TMEM130: variants seen among roughly 807,000 people sequenced by gnomAD.
TMEM130 encodes transmembrane protein 130.
TMEM130 carries 37 observed loss-of-function variants against 42.9 expected under a neutral mutation model. The observed-to-expected ratio is 0.86, with a 90% CI of 0.66 to 1.13. The LOEUF is 1.13. Among genes scored for constraint, TMEM130 ranks in the 50% most tolerant of loss-of-function variants. The pLI, the probability that TMEM130 is intolerant of heterozygous loss-of-function variation, is 0.00. For synonymous variants in TMEM130, 259 were observed against 237.7 expected (o/e 1.09, Z -0.82); for missense variants, 545 against 562.6 (o/e 0.97, Z 0.32).
intron 6 of TMEM130, 61 bp downstream of exon 6, chr7:98,851,360 C>T: frequency 5.2e-6 from 8 of 1,546,612 alleles, no homozygotes; most frequent in Non-Finnish European, 8.9e-7. Flanking sequence ...GTGGTGGTGG[C>T]AGGATGGACA....
chr7:98,851,702 G>A (rs1794511147), intron 5 of TMEM130, 79 bp from the exon 6 acceptor site: 4 of 1,344,842 alleles, frequency 3.0e-6, no homozygotes, highest in Non-Finnish European at 4.0e-6. Context: ...GACAGGCCAG[G>A]TGGGCAGGAA....
At position 98,860,294 on chromosome 7, in the gene TMEM130, G is replaced by T. The variant is rs1448165962; in HGVS notation, c.436C>A (p.Pro146Thr). 7 of 1,612,164 alleles carry T rather than the reference G, an allele frequency of 4.3e-6. No individual in the cohort carries two copies. The African/African-American group carries it at 8.0e-5, about 18-fold the overall frequency. Reference sequence around the variant, plus strand: ...TTAGTGAGATAGGAGCTGGGCCAGGGTAGGGAAGTGTTCTGGGTGACAACA... The same window carrying T: ...TTAGTGAGATAGGAGCTGGGCCAGGTTAGGGAAGTGTTCTGGGTGACAACA... ...DLVVTQNTSL[P>T]WPSSYLTKTV... is the part of the protein sequence containing the mutation. Residue 146 changes from proline (P) to threonine (T), a missense_variant, in exon 3 of 8, where the codon CCC becomes ACC. Transcript: ENST00000339375.
At chr7:98,854,330 G>C (rs140544899) in intron 5 of TMEM130, among the ~76,000 whole-genome samples, 26 of 152,266 alleles carry the variant, frequency 1.7e-4, no homozygotes, top group Non-Finnish European at 2.9e-4. Context: ...CTGGAAAATA[G>C]GCCACGTCAT....
chr7:98,862,876 A>G (rs1467554418), intron 2 of TMEM130, among the ~76,000 whole-genome samples: 2 of 152,202 alleles, frequency 1.3e-5, no homozygotes, highest in African/African-American at 2.4e-5. Context: ...GTATACCCTC[A>G]GCAGCAATAG....
At position 98,860,255 on chromosome 7, in the gene TMEM130, C is replaced by G. The variant is rs1554399590; in HGVS notation, c.475G>C (p.Val159Leu). 1.9e-6 allele frequency: 3 copies of G among 1,613,830 alleles called. No homozygotes were observed. Among genetic ancestry groups the G allele is most frequent in the Non-Finnish European group, 2.5e-6 (3 of 1,179,958 alleles). The part of the protein sequence containing the change: ...SSYLTKTVLK[V>L]SFLLHDPSNF... ...CTCGGGTCGTGGAGGAGGAAGGAGA[C>G]TTTCAGGACGGTCTTAGTGAGATAG... Residue 159 changes from valine to leucine, a missense_variant, in exon 3 of 8, where the codon GTC (valine) becomes CTC (leucine). Physicochemically the swap from Val to Leu is conservative, Grantham distance 32. Coordinates refer to ENST00000339375, the MANE Select transcript of TMEM130 (RefSeq NM_152913.3).
chr7:98,858,906 C>T (rs1794692363), intron 3 of TMEM130, among the ~76,000 whole-genome samples: 1 of 149,790 alleles, frequency 6.7e-6, no homozygotes, highest in African/African-American at 2.5e-5. Context: ...CAGTGGCTCA[C>T]CCCTGTAATC....
Position 98,860,287 on chromosome 7 carries a change from G to A in TMEM130, c.443C>T (p.Pro148Leu), listed in dbSNP as rs200372210. ...VVTQNTSLPW[P>L]SSYLTKTVLK... ...GACGGTCTTAGTGAGATAGGAGCTG[G>A]GCCAGGGTAGGGAAGTGTTCTGGGT... The change falls in exon 3 of 8, where the codon CCC (proline) becomes CTC (leucine). Residue 148 changes from proline to leucine, a missense_variant. Coordinates refer to ENST00000339375, the MANE Select transcript of TMEM130 (RefSeq NM_152913.3). 1.9e-6 allele frequency: 3 copies of A among 1,612,662 alleles called. No homozygotes were observed. Among genetic ancestry groups the A allele is most frequent in the Non-Finnish European group, 2.5e-6 (3 of 1,179,316 alleles).
At chr7:98,852,223 C>A (rs1554398404) in intron 5 of TMEM130, among the ~76,000 whole-genome samples, 1 of 152,044 alleles carries the variant, frequency 6.6e-6, no homozygotes, top group African/African-American at 2.4e-5. Flanking sequence ...TCACTGCAAC[C>A]TTCACCTCCC....
In TMEM130 at chr7:98,859,738, T is replaced by A. The variant is rs572517344; in HGVS notation, c.551+441A>T. On this transcript the variant is annotated intron_variant, in intron 3 of 7. Coordinates refer to ENST00000339375, the MANE Select transcript of TMEM130 (RefSeq NM_152913.3). ...AAAAAATATAAATAAATAAATTAATTAATTAATTAATTAAATTTAATATGA... is the reference window on the plus strand; with the variant it reads ...AAAAAATATAAATAAATAAATTAATAAATTAATTAATTAAATTTAATATGA... Among the ~76,000 whole-genome samples, 326 of 150,472 alleles carry A rather than the reference T, an allele frequency of 2.2e-3. 2 individuals are homozygous for A. Among genetic ancestry groups the A allele is most frequent in the African/African-American group, 4.8e-3 (196 of 41,038 alleles).
intron 3 of TMEM130, among the ~76,000 whole-genome samples, chr7:98,857,687 G>A (rs1447452638): frequency 6.2e-5 from 9 of 144,270 alleles, no homozygotes; most frequent in Non-Finnish European, 1.1e-4. Context: ...GCAACAGAGC[G>A]AGACCCTGTC....
chr7:98,864,153 T>C (rs1361589537), intron 1 of TMEM130, among the ~76,000 whole-genome samples: 4 of 152,152 alleles, frequency 2.6e-5, no homozygotes, highest in African/African-American at 9.7e-5. Context: ...CCTTGGTTAG[T>C]GGCTACTCTT....
chr7:98,856,900 C>T (rs1406863857), intron 3 of TMEM130, among the ~76,000 whole-genome samples: 3 of 151,950 alleles, frequency 2.0e-5, no homozygotes, highest in Admixed American at 1.3e-4. Flanking sequence ...CTTTTTATCT[C>T]TCTCTCCCTT....
chr7:98,863,136 C>A lies in TMEM130; in HGVS notation c.350G>T (p.Cys117Phe). The A allele has an allele frequency of 6.2e-7, 1 of 1,613,856 alleles. No individual in the cohort carries two copies. The highest frequency in any genetic ancestry group is 2.2e-5 in the East Asian group (1 of 44,878). ...CACAAAGCCCCTGGCCACAGGCTGG[C>A]ACATCCAGCAGTCAGCGGCAGTGAC... Reference protein sequence around the residue: ...VWVTAADCWMCQPVARGFVVL... With the variant: ...VWVTAADCWMFQPVARGFVVL... Residue 117 changes from cysteine to phenylalanine, a missense_variant, in exon 2 of 8, where the codon TGC (cysteine) becomes TTC (phenylalanine). Physicochemically the swap from Cys to Phe is radical, Grantham distance 205 (BLOSUM62 -2). Coordinates refer to ENST00000339375, the MANE Select transcript of TMEM130 (RefSeq NM_152913.3).
rs1554397311 is a variant in TMEM130 at position 98,846,749 on chromosome 7, G to T, written c.*1307C>A. On this transcript the variant is annotated 3_prime_UTR_variant, in exon 8 of 8. Coordinates refer to ENST00000339375, the MANE Select transcript of TMEM130 (RefSeq NM_152913.3). ...GGGTGCAGGCTGGTTCCGCTGCTCA[G>T]GCTCTGTCATCCTGCTTCTTCCTTC... 1.3e-5 allele frequency: 2 copies of T among 152,198 alleles called. No individual in the cohort carries two copies. Among genetic ancestry groups the T allele is most frequent in the Non-Finnish European group, 2.9e-5 (2 of 68,160 alleles). The allele number at this position is 152,198 out of a possible 1,614,324, so 9.4% of individuals were successfully genotyped here.
rs577262602 is a variant in TMEM130 at position 98,848,713 on chromosome 7, A to C, written c.1007-18T>G. The C allele has an allele frequency of 1.5e-5, 23 of 1,527,924 alleles. No individual in the cohort carries two copies. In the South Asian group the frequency reaches 2.6e-4, roughly 17 times the overall value. 94.6% of individuals were successfully genotyped at this position (1,527,924 alleles called of 1,614,324 possible). On this transcript the variant is annotated intron_variant, in intron 6 of 7. Coordinates refer to ENST00000339375, the MANE Select transcript of TMEM130 (RefSeq NM_152913.3). ...CTGGATTCCTGGGAATGAAAGAAGTAACATTACAGGACTGGGTAGCTGGTA... is the reference window on the plus strand; with the variant it reads ...CTGGATTCCTGGGAATGAAAGAAGTCACATTACAGGACTGGGTAGCTGGTA...
At position 98,863,126 on chromosome 7, in the gene TMEM130, C is replaced by T; in HGVS notation, c.360G>A (p.Val120=). The T allele has an allele frequency of 6.2e-7, 1 of 1,613,736 alleles. No homozygotes were observed. Among genetic ancestry groups the T allele is most frequent in the Non-Finnish European group, 8.5e-7 (1 of 1,179,998 alleles). ...TGGGGAGGACCACAAAGCCCCTGGC[C>T]ACAGGCTGGCACATCCAGCAGTCAG... ...TAADCWMCQP[V]ARGFVVLPIT... The change falls in exon 2 of 8, where the codon GTG becomes GTA. Residue 120 remains valine (V), a synonymous_variant. Coordinates refer to ENST00000339375, the MANE Select transcript of TMEM130 (RefSeq NM_152913.3).
intron 3 of TMEM130, among the ~76,000 whole-genome samples, chr7:98,859,101 AGAAG>A (rs1301847732): frequency 2.2e-5 from 3 of 133,732 alleles, no homozygotes; most frequent in African/African-American, 5.5e-5. Flanking sequence ...AGGAAGAAAA[AGAAG>A]GAAGAAAGGA....
At chr7:98,855,928 G>A (rs565966405) in intron 4 of TMEM130, 89 bp downstream of exon 4, 9 of 1,432,344 alleles carry the variant, frequency 6.3e-6, no homozygotes, top group East Asian at 4.8e-5. Context: ...AAGACAGGGC[G>A]TGAGTCCAGC....
chr7:98,863,717 C>A (rs889597724), intron 1 of TMEM130, among the ~76,000 whole-genome samples: 2 of 144,708 alleles, frequency 1.4e-5, no homozygotes, highest in South Asian at 4.5e-4. Context: ...TCCTTCCTTT[C>A]TTTTTCTTTC....
Sources: gnomAD v4.1 joint callset for allele counts (sites outside exome capture counted in the v4.1 genomes callset) on GRCh38, gnomAD v4.1.1 for gene constraint, MANE v1.5 for transcripts, NCBI Gene and HGNC (gene_info 2026-07-23, HGNC 2026-07-21) for gene names.